Variants in SCAPER observed in about 807,000 individuals in gnomAD.
SCAPER encodes the protein S phase cyclin A-associated protein in the endoplasmic reticulum.
In SCAPER, 98 loss-of-function variants were observed where a neutral mutation model predicts 182.2. The observed-to-expected ratio is 0.54, with a 90% CI of 0.46 to 0.64. The LOEUF (loss-of-function observed/expected upper bound fraction) is 0.64. Ranked by LOEUF, SCAPER falls within the 30% of genes least tolerant of loss-of-function variation. The probability of loss-of-function intolerance (pLI) is 0.00; values close to 1 mark genes in which losing one functional copy is unlikely to be tolerated. For missense variants in SCAPER, 1,432 were observed against 1,690.0 expected (o/e 0.85, Z 2.68); for synonymous variants, 605 against 564.6 (o/e 1.07, Z -1.01).
At chr15:76,422,852 G>A (rs1446220858) in intron 26 of SCAPER, among the ~76,000 whole-genome samples, 5 of 149,184 alleles carry the variant, frequency 3.4e-5, no homozygotes, top group African/African-American at 4.9e-5. Context: ...TTTGTCAAAG[G>A]CCTTTTCTGC....
At chr15:76,370,291 A>ATTTTTTTTTTTTTTTTTTTTTTTTT (rs10524497) in intron 29 of SCAPER, among the ~76,000 whole-genome samples, 2 of 119,460 alleles carry the variant, frequency 1.7e-5, no homozygotes, top group African/African-American at 7.4e-5. Flanking sequence ...TACCATTTCA[A>ATTTTTTTTTTTTTTTTTTTTTTTTT]TTTTTTTTTT....
intron 14 of SCAPER, among the ~76,000 whole-genome samples, chr15:76,761,141 T>G (rs368594831): frequency 6.6e-6 from 1 of 152,198 alleles, no homozygotes; most frequent in Admixed American, 6.5e-5. Context: ...TTTGGTGCCA[T>G]AGAATTATTG....
intron 23 of SCAPER, among the ~76,000 whole-genome samples, chr15:76,537,496 G>T (rs2044285846): frequency 6.6e-6 from 1 of 152,092 alleles, no homozygotes. Context: ...AAAAGGTGCT[G>T]GGAAAACTGG....
chr15:76,718,350 C>G (rs957670344), intron 17 of SCAPER, among the ~76,000 whole-genome samples: 1 of 152,046 alleles, frequency 6.6e-6, no homozygotes, highest in Non-Finnish European at 1.5e-5. Context: ...AGGAATGGGG[C>G]AAAATATTTA....
intron 23 of SCAPER, among the ~76,000 whole-genome samples, chr15:76,546,701 G>A (rs1457376015): frequency 6.6e-6 from 1 of 151,778 alleles, no homozygotes; most frequent in Admixed American, 6.6e-5. Context: ...AAGAAGTACA[G>A]CATTTCCTTA....
intron 22 of SCAPER, among the ~76,000 whole-genome samples, chr15:76,613,406 G>T (rs1454335398): frequency 6.6e-6 from 1 of 152,142 alleles, no homozygotes; most frequent in East Asian, 1.9e-4. Flanking sequence ...TGCAACAAAA[G>T]CAAACACTGA....
At chr15:76,772,137 A>C (rs2063505761) in intron 9 of SCAPER, among the ~76,000 whole-genome samples, 183 bp from the exon 10 acceptor site, 1 of 152,072 alleles carries the variant, frequency 6.6e-6, no homozygotes, top group South Asian at 2.1e-4. Flanking sequence ...GGGACCATTA[A>C]GCACAAATTT....
At chr15:76,814,460 T>C (rs4886831) in intron 5 of SCAPER, among the ~76,000 whole-genome samples, 124,052 of 151,948 alleles carry the variant, frequency 0.82, 51,410 homozygotes, top group Middle Eastern at 0.91. Context: ...AGAAATAAAC[T>C]CAAGCATATG....
chr15:76,884,894 A>G (rs949861378), intron 1 of SCAPER, among the ~76,000 whole-genome samples: 12 of 152,264 alleles, frequency 7.9e-5, no homozygotes, highest in Non-Finnish European at 1.5e-5. Flanking sequence ...ATTTAAAAAC[A>G]TCATGCTAAG....
chr15:76,795,315 G>A lies in SCAPER; in HGVS notation c.737C>T (p.Pro246Leu). ...TGAGGCCTTCTGCACTGTCATTGGTGGGCAAGACTGGGCGGGTGTTATTTC... is the reference window on the plus strand; with the variant it reads ...TGAGGCCTTCTGCACTGTCATTGGTAGGCAAGACTGGGCGGGTGTTATTTC... ...SSEITPAQSC[P>L]PMTVQKASRK... is the part of the protein sequence containing the mutation. The change falls in exon 8 of 32, where the codon CCA becomes CTA. Residue 246 changes from proline to leucine, a missense_variant. Physicochemically the swap from Pro to Leu is moderately conservative, Grantham distance 98. This residue lies in a region of SCAPER where 480 missense variants were observed against 510.2 expected (regional missense o/e 0.94). Coordinates refer to ENST00000563290, the MANE Select transcript of SCAPER (RefSeq NM_020843.4). 6.2e-7 allele frequency: 1 copy of A among 1,613,086 alleles called. No homozygotes were observed. The highest frequency in any genetic ancestry group is 8.5e-7 in the Non-Finnish European group (1 of 1,179,324).
intron 17 of SCAPER, among the ~76,000 whole-genome samples, chr15:76,710,059 T>C (rs998175956): frequency 3.9e-5 from 6 of 152,134 alleles, no homozygotes; most frequent in East Asian, 3.9e-4. Flanking sequence ...GTATCACACA[T>C]AGTAGTGAAA....
chr15:76,767,265 T>A (rs965106241), intron 10 of SCAPER, among the ~76,000 whole-genome samples, 177 bp from the exon 11 acceptor site: 31 of 152,158 alleles, frequency 2.0e-4, no homozygotes, highest in African/African-American at 7.2e-4. Flanking sequence ...CTTAGAAGCT[T>A]CTAAAAACCA....
Position 76,765,302 on chromosome 15 carries a change from G to A in SCAPER, c.1613+35C>T, listed in dbSNP as rs370777544. On this transcript the variant is annotated intron_variant, in intron 13 of 31. Coordinates refer to ENST00000563290, the MANE Select transcript of SCAPER (RefSeq NM_020843.4). ...GTCAAGAGTGGCTAGTTTCCTTGCT[G>A]TGAACCATTTCAAATTAATTTTCAA... 2.0e-4 allele frequency: 300 copies of A among 1,537,960 alleles called. 1 individual carries two copies. The highest frequency in any genetic ancestry group is 2.1e-4 in the Non-Finnish European group (236 of 1,117,266).
At chr15:76,424,063 G>A (rs1481117358) in intron 26 of SCAPER, among the ~76,000 whole-genome samples, 1 of 152,222 alleles carries the variant, frequency 6.6e-6, no homozygotes, top group East Asian at 1.9e-4. Flanking sequence ...TTTGGAATAA[G>A]TGTGATGTGG....
chr15:76,893,799 A>C (rs2074284016), intron 1 of SCAPER, among the ~76,000 whole-genome samples: 1 of 152,252 alleles, frequency 6.6e-6, no homozygotes, highest in Non-Finnish European at 1.5e-5. Context: ...AAATTAAACA[A>C]CACACAACTA....
At chr15:76,889,498 C>T (rs1418577295) in intron 1 of SCAPER, among the ~76,000 whole-genome samples, 1 of 150,918 alleles carries the variant, frequency 6.6e-6, no homozygotes, top group East Asian at 1.9e-4. Context: ...AAATGGAGAG[C>T]AAAAAAAAGC....
At chr15:76,425,003 G>A (rs1161355689) in intron 26 of SCAPER, among the ~76,000 whole-genome samples, 1 of 152,182 alleles carries the variant, frequency 6.6e-6, no homozygotes, top group East Asian at 1.9e-4. Flanking sequence ...AGTCTGATGG[G>A]CTTCCCTTTG....
At chr15:76,379,154 C>A (rs2042766445) in intron 28 of SCAPER, among the ~76,000 whole-genome samples, 2 of 152,292 alleles carry the variant, frequency 1.3e-5, no homozygotes, top group Non-Finnish European at 2.9e-5. Flanking sequence ...AAATTCTGGG[C>A]ATTTAGGTCC....
chr15:76,615,508 C>G (rs958527972), intron 22 of SCAPER, among the ~76,000 whole-genome samples: 9 of 146,660 alleles, frequency 6.1e-5, no homozygotes, highest in East Asian at 2.0e-4. Context: ...CACACACACA[C>G]ACACACACAC....
Sources: gnomAD v4.1 joint callset for allele counts (sites outside exome capture counted in the v4.1 genomes callset) on GRCh38, gnomAD v4.1.1 for gene constraint, gnomAD v4.1.1 regional missense constraint, MANE v1.5 for transcripts, NCBI Gene and HGNC (gene_info 2026-07-23, HGNC 2026-07-21) for gene names.